The following NSUN5 variants were observed in gnomAD, a reference collection of about 807,000 sequenced individuals.
NSUN5 encodes the protein 28S rRNA (cytosine-C(5))-methyltransferase.
A neutral mutation model predicts 51.1 loss-of-function variants in NSUN5; 39 were observed. That is an observed-to-expected ratio of 0.76 (90% confidence interval 0.59 to 1.00). The LOEUF (loss-of-function observed/expected upper bound fraction) is 1.00, where lower values mean the gene tolerates loss of function less well. NSUN5 is among the 50% of genes least tolerant of loss of function. The pLI is 0.00. For missense variants in NSUN5, 526 were observed against 614.0 expected (o/e 0.86, Z 1.51); for synonymous variants, 266 against 271.5 (o/e 0.98, Z 0.20).
intron 4 of NSUN5, 86 bp downstream of exon 4, chr7:73,307,308 G>A: frequency 1.0e-6 from 1 of 964,348 alleles, no homozygotes. Context: ...AGCCCAGAGA[G>A]CAAAGTCACA....
rs1803893728 is a variant in NSUN5 at position 73,303,628 on chromosome 7, C to T, written c.1258G>A (p.Ala420Thr). Residue 420 changes from alanine (A) to threonine (T), a missense_variant, in exon 9 of 10, where the codon GCT becomes ACT. Coordinates refer to ENST00000438747, the MANE Select transcript of NSUN5 (RefSeq NM_148956.4). ...ETTLSSGFFV[A>T]VIERVEVPSS... Reference sequence around the variant, plus strand: ...GGCACCTCGACCCGTTCAATTACAGCAACGAAGAAGCCACTGCTGAGTGTG... The same window carrying T: ...GGCACCTCGACCCGTTCAATTACAGTAACGAAGAAGCCACTGCTGAGTGTG... 6.2e-7 allele frequency: 1 copy of T among 1,614,232 alleles called. No homozygotes were observed. The highest frequency in any genetic ancestry group is 1.3e-5 in the African/African-American group (1 of 75,068).
chr7:73,304,672 C>A lies in NSUN5; in HGVS notation c.755+75G>T, dbSNP rs1803960552. The A allele has an allele frequency of 2.4e-6, 3 of 1,251,608 alleles. No individual in the cohort carries two copies. In the Admixed American group the frequency reaches 5.1e-5, roughly 21 times the overall value. The allele number at this position is 1,251,608 out of a possible 1,614,324, so 77.5% of individuals were successfully genotyped here. A position where few individuals can be genotyped will look rare whatever the true frequency, so the allele number is the denominator to read the frequency against. ...CAAGAAAGACTTAAGCGAAAGTCAT[C>A]CTTTCAGCCTTCATTACCCACTGAA... On this transcript the variant is annotated intron_variant, in intron 6 of 9. Coordinates refer to ENST00000438747, the MANE Select transcript of NSUN5 (RefSeq NM_148956.4).
rs1554540974 is a variant in NSUN5 at position 73,303,350 on chromosome 7, G to C, written c.*65C>G. On this transcript the variant is annotated 3_prime_UTR_variant, in exon 10 of 10. Coordinates refer to ENST00000438747, the MANE Select transcript of NSUN5 (RefSeq NM_148956.4). ...ACTGCTTCCTGCGGTGAGGGCCCAG[G>C]GTCCTCCACGGAGAGGACAGGCATC... 3.7e-6 allele frequency: 6 copies of C among 1,613,824 alleles called. No homozygotes were observed. The African/African-American group carries it at 4.0e-5, about 11-fold the overall frequency.
Position 73,303,102 on chromosome 7 carries a change from C to T in NSUN5, c.*313G>A, listed in dbSNP as rs536974492. 8.5e-6 allele frequency: 12 copies of T among 1,418,992 alleles called. No individual in the cohort carries two copies. The highest frequency in any genetic ancestry group is 1.4e-5 in the African/African-American group (1 of 69,470). 87.9% of individuals were successfully genotyped at this position (1,418,992 alleles called of 1,614,324 possible). On this transcript the variant is annotated 3_prime_UTR_variant, in exon 10 of 10. Transcript: ENST00000438747. ...GTACAGTACACGCACTGGACGGCAG[C>T]GGGAGGCTGGGACTTTCCATTACAA...
In NSUN5 at chr7:73,303,051, C is replaced by A. The variant is rs763317000; in HGVS notation, c.*364G>T. 1.6e-5 allele frequency: 21 copies of A among 1,342,690 alleles called. No individual in the cohort carries two copies. The highest frequency in any genetic ancestry group is 3.2e-5 in the Admixed American group (1 of 31,514). The allele number at this position is 1,342,690 out of a possible 1,614,324, so 83.2% of individuals were successfully genotyped here. ...GCAGGCAGGACAGCCGGTCCGGGAA[C>A]CCTGAGTGAGTGTGAGTGTGGATGT... On this transcript the variant is annotated 3_prime_UTR_variant, in exon 10 of 10. Coordinates refer to ENST00000438747, the MANE Select transcript of NSUN5 (RefSeq NM_148956.4).
chr7:73,304,611 A>C (rs1554541507), intron 6 of NSUN5, 136 bp downstream of exon 6: 1 of 908,628 alleles, frequency 1.1e-6, no homozygotes, highest in African/African-American at 1.6e-5. Flanking sequence ...GGGAAAGCTT[A>C]GCTTGGGGCA....
At chr7:73,304,898 A>G (rs782444300) in intron 5 of NSUN5, 36 bp from the exon 6 acceptor site, 1 of 1,612,734 alleles carries the variant, frequency 6.2e-7, no homozygotes, top group African/African-American at 1.3e-5. Context: ...GTAAACAGAG[A>G]CCCCAGGCTA....
At position 73,308,533 on chromosome 7, in the gene NSUN5, C is replaced by T; in HGVS notation, c.114G>A (p.Ala38=). 6.2e-7 allele frequency: 1 copy of T among 1,601,850 alleles called. No individual in the cohort carries two copies. The highest frequency in any genetic ancestry group is 2.2e-5 in the East Asian group (1 of 44,582). Residue 38 remains alanine (A), a synonymous_variant, in exon 2 of 10, where the codon GCG becomes GCA. Transcript: ENST00000438747. ...SNFQNVKQLY[A]LVCETQRYSA... ...AGTAGCGCTGCGTTTCGCACACCAG[C>T]GCGTACAGCTGCTTCACGTTCTGTG...
rs1184480823 is a variant in NSUN5, at chr7:73,303,425, G to A, written c.1391C>T (p.Pro464Leu). ...QRAAAGACTP[P>L]CT is the part of the protein sequence containing the mutation. ...AGCCCGGAGCCTCTGCTATGTGCAA[G>A]GCGGTGTGCAAGCACCGGCTGCGGC... The change falls in exon 10 of 10, where the codon CCT becomes CTT. Residue 464 changes from proline (P) to leucine (L), a missense_variant. Physicochemically the swap from Pro to Leu is moderately conservative, Grantham distance 98. Transcript: ENST00000438747. 12 of 1,614,058 alleles carry A rather than the reference G, an allele frequency of 7.4e-6. No homozygotes were observed. The highest frequency in any genetic ancestry group is 1.0e-5 in the Non-Finnish European group (12 of 1,180,042).
chr7:73,304,705 G>A (rs782118205), intron 6 of NSUN5, 42 bp downstream of exon 6: 27 of 1,476,030 alleles, frequency 1.8e-5, no homozygotes, highest in African/African-American at 6.9e-5. Context: ...GAAAGGCACA[G>A]AATCAAACCC....
chr7:73,308,379 G>GAC, intron 2 of NSUN5, 52 bp downstream of exon 2: 1 of 1,544,334 alleles, frequency 6.5e-7, no homozygotes, highest in East Asian at 2.3e-5. Flanking sequence ...GAGACCAGAT[G>GAC]ACAAAGCGCT....
At chr7:73,307,212 G>A (rs1326453940) in intron 4 of NSUN5, among the ~76,000 whole-genome samples, 182 bp downstream of exon 4, 2 of 152,114 alleles carry the variant, frequency 1.3e-5, no homozygotes, top group Non-Finnish European at 2.9e-5. Context: ...AAGAATGTAG[G>A]ATGAGGCTCC....
chr7:73,304,521 T>A (rs781963768), intron 6 of NSUN5, 113 bp from the exon 7 acceptor site: 3 of 1,104,964 alleles, frequency 2.7e-6, no homozygotes, highest in Non-Finnish European at 3.9e-6. Flanking sequence ...GGCCTACGTT[T>A]AAAGGGCTCA....
Position 73,303,200 on chromosome 7 carries a change from C to T in NSUN5, c.*215G>A, listed in dbSNP as rs1803871061. 1.4e-6 allele frequency: 2 copies of T among 1,477,966 alleles called. No homozygotes were observed. The highest frequency in any genetic ancestry group is 1.4e-5 in the African/African-American group (1 of 70,584). 91.6% of individuals were successfully genotyped at this position (1,477,966 alleles called of 1,614,324 possible). The stretch of plus-strand genomic sequence containing the variant: ...TGTGAGATTTTTCTCCTGCTTGTGA[C>T]ATTAAGAATAAAAAACTGTGATCTA... On this transcript the variant is annotated 3_prime_UTR_variant, in exon 10 of 10. Coordinates refer to ENST00000438747, the MANE Select transcript of NSUN5 (RefSeq NM_148956.4).
rs782786125 is a variant in NSUN5, at chr7:73,303,494, C to T, written c.1322G>A (p.Arg441His). 3.5e-5 allele frequency: 56 copies of T among 1,614,028 alleles called. 1 individual carries two copies. The highest frequency in any genetic ancestry group is 4.2e-5 in the Non-Finnish European group (49 of 1,180,040). The change falls in exon 10 of 10, where the codon CGC (arginine) becomes CAC (histidine). Residue 441 changes from arginine (R) to histidine (H), a missense_variant. Arg to His is a conservative substitution (Grantham distance 29). Coordinates refer to ENST00000438747, the MANE Select transcript of NSUN5 (RefSeq NM_148956.4). ...ASQAKASAPE[R>H]TPSPAPKRKK... ...TCTCTTTGGGGCTGGGCTGGGTGTG[C>T]GTTCTGGTGCTGATGCTTTGGCCTG...
Position 73,308,517 on chromosome 7 carries a change from G to A in NSUN5, c.130C>T (p.Gln44Ter). ...GCATCCAGCACGGCGGAGTAGCGCT[G>A]CGTTTCGCACACCAGCGCGTACAGC... ...KQLYALVCET[Q>*]RYSAVLDAVI... Residue 44 changes from glutamine (Q) to a stop codon, truncating the protein, a stop_gained, in exon 2 of 10, where the codon CAG (glutamine) becomes TAG (stop). Coordinates refer to ENST00000438747, the MANE Select transcript of NSUN5 (RefSeq NM_148956.4). LOFTEE classifies it high-confidence loss of function. The A allele has an allele frequency of 2.5e-6, 4 of 1,604,132 alleles. No homozygotes were observed. Among genetic ancestry groups the A allele is most frequent in the Non-Finnish European group, 3.4e-6 (4 of 1,173,326 alleles).
At chr7:73,307,895 T>C in intron 2 of NSUN5, 138 bp from the exon 3 acceptor site, 1 of 771,718 alleles carries the variant, frequency 1.3e-6, no homozygotes, top group East Asian at 2.8e-5. Flanking sequence ...GGATACCTTA[T>C]CCAAGATCAC....
At chr7:73,306,377 C>T (rs562197923) in intron 4 of NSUN5, among the ~76,000 whole-genome samples, 17 of 128,190 alleles carry the variant, frequency 1.3e-4, no homozygotes, top group African/African-American at 5.1e-4. Context: ...AGAGCAAAAC[C>T]CTTGTCTCAA....
At chr7:73,307,306 G>T in intron 4 of NSUN5, 88 bp downstream of exon 4, 3 of 949,314 alleles carry the variant, frequency 3.2e-6, no homozygotes, top group South Asian at 2.9e-5. Context: ...AAAGCCCAGA[G>T]AGCAAAGTCA....
Sources: gnomAD v4.1 joint callset for allele counts (sites outside exome capture counted in the v4.1 genomes callset) on GRCh38, gnomAD v4.1.1 for gene constraint, MANE v1.5 for transcripts, NCBI Gene and HGNC (gene_info 2026-07-23, HGNC 2026-07-21) for gene names.